ERBB4: variants seen among roughly 807,000 people sequenced by gnomAD.
ERBB4 encodes the protein receptor tyrosine-protein kinase erbB-4.
A neutral mutation model predicts 158.0 loss-of-function variants in ERBB4; 42 were observed. That is an observed-to-expected ratio of 0.27 (90% CI 0.21 to 0.34). The LOEUF (loss-of-function observed/expected upper bound fraction) is 0.34, where lower values mean the gene tolerates loss of function less well. Among genes scored for constraint, ERBB4 ranks in the 10% least tolerant of loss-of-function variants. The pLI is 1.00. For synonymous variants in ERBB4, 583 were observed against 558.7 expected (o/e 1.04, Z -0.61); for missense variants, 1,333 against 1,624.1 (o/e 0.82, Z 3.08).
rs535481666 is a variant in ERBB4 at position 211,733,441 on chromosome 2, C to T, written c.623-8247G>A. 1.9e-4 allele frequency among the ~76,000 whole-genome samples: 29 copies of T among 151,836 alleles called. 1 individual carries two copies. Among genetic ancestry groups the T allele is most frequent in the East Asian group, 1.7e-3 (9 of 5,178 alleles). ...GCAATAAAGGAAGAGTATGAATCTG[C>T]GTAAGAATACCATAGTATTTTTAAG... is the stretch of plus-strand genomic sequence containing the variant. On this transcript the variant is annotated intron_variant, in intron 5 of 27. Transcript: ENST00000342788.
intron 2 of ERBB4, among the ~76,000 whole-genome samples, chr2:212,041,719 C>T (rs2077145991): frequency 6.6e-6 from 1 of 151,916 alleles, no homozygotes; most frequent in South Asian, 2.1e-4. Context: ...ATATCCTATT[C>T]TCTGCAAAAG....
At chr2:211,710,702 C>T (rs1021810580) in intron 9 of ERBB4, among the ~76,000 whole-genome samples, 7 of 152,078 alleles carry the variant, frequency 4.6e-5, no homozygotes, top group African/African-American at 7.2e-5. Flanking sequence ...GTCTTTCCCA[C>T]GCTGTTCTCA....
At chr2:211,621,210 T>A (rs558350009) in intron 18 of ERBB4, among the ~76,000 whole-genome samples, 13 of 151,970 alleles carry the variant, frequency 8.6e-5, no homozygotes, top group African/African-American at 3.1e-4. Context: ...AAATTATTCT[T>A]TTTTTTTCAT....
In ERBB4 at chr2:211,442,880, A is replaced by AT. The variant is rs560853843; in HGVS notation, c.2488-11781dup. Among the ~76,000 whole-genome samples the AT allele has an allele frequency of 3.5e-3, 527 of 151,936 alleles. 5 individuals are homozygous for AT. The highest frequency in any genetic ancestry group is 0.011 in the African/African-American group (462 of 41,478). On this transcript the variant is annotated intron_variant, in intron 20 of 27. Transcript: ENST00000342788. ...GCTTGTTCAAGTCCGAAAAATAAAGATTTTTTTTATCTTCTATTCTTCACT... is the reference window on the plus strand; with the variant it reads ...GCTTGTTCAAGTCCGAAAAATAAAGATTTTTTTTTATCTTCTATTCTTCACT...
intron 2 of ERBB4, among the ~76,000 whole-genome samples, chr2:212,027,269 T>C (rs551874424): frequency 1.3e-5 from 2 of 152,206 alleles, no homozygotes; most frequent in Non-Finnish European, 2.9e-5. Context: ...GAAAATATAA[T>C]GTTCGTGAGA....
chr2:211,756,770 C>A (rs2075295768), intron 4 of ERBB4, among the ~76,000 whole-genome samples: 1 of 152,180 alleles, frequency 6.6e-6, no homozygotes, highest in African/African-American at 2.4e-5. Context: ...AAGATAATGG[C>A]TTGGCATATA....
intron 2 of ERBB4, among the ~76,000 whole-genome samples, chr2:212,085,759 C>T (rs2078585985): frequency 6.6e-6 from 1 of 151,732 alleles, no homozygotes; most frequent in South Asian, 2.1e-4. Flanking sequence ...AAAAATTATA[C>T]CTTCCTCATA....
At chr2:212,452,178 T>A (rs571680486) in intron 1 of ERBB4, among the ~76,000 whole-genome samples, 58 of 152,098 alleles carry the variant, frequency 3.8e-4, no homozygotes, top group Non-Finnish European at 7.1e-4. Context: ...GTTCTTTAAA[T>A]CATGCCAGCC....
At chr2:211,804,917 A>C (rs1575170675) in intron 3 of ERBB4, among the ~76,000 whole-genome samples, 2 of 132,916 alleles carry the variant, frequency 1.5e-5, no homozygotes, top group Admixed American at 8.7e-5. Flanking sequence ...CTCTTTCAAA[A>C]TATTCTTTTT....
intron 2 of ERBB4, among the ~76,000 whole-genome samples, chr2:212,060,353 CT>C (rs1374146377): frequency 1.3e-5 from 2 of 151,720 alleles, no homozygotes; most frequent in Admixed American, 1.3e-4. Context: ...CACTTTTACA[CT>C]GTTGGTGGGA....
rs78030748 is a variant in ERBB4, at chr2:211,386,924, G to A, written c.3410C>T (p.Pro1137Leu). 1.9e-6 allele frequency: 3 copies of A among 1,614,152 alleles called. No homozygotes were observed. The highest frequency in any genetic ancestry group is 2.5e-6 in the Non-Finnish European group (3 of 1,180,028). ...CAGCTCTCCTCGTGGGCTCCGTTCT[G>A]GGGCAAACACGGTGGGGTCAGCACT... ...RYSADPTVFAPERSPRGELDE... is the reference protein window; with the variant it reads ...RYSADPTVFALERSPRGELDE... The change falls in exon 27 of 28, where the codon CCA becomes CTA. Residue 1137 changes from proline to leucine, a missense_variant. This residue lies in a region of ERBB4 where 252 missense variants were observed against 241.3 expected (regional missense o/e 1.04). Transcript: ENST00000342788.
At chr2:211,444,811 CTG>C (rs1347993690) in intron 20 of ERBB4, among the ~76,000 whole-genome samples, 2 of 151,950 alleles carry the variant, frequency 1.3e-5, no homozygotes, top group African/African-American at 4.8e-5. Flanking sequence ...TCATTGTCTG[CTG>C]TGAGATACAT....
chr2:211,486,516 A>C (rs2065207588), intron 20 of ERBB4, among the ~76,000 whole-genome samples: 1 of 151,708 alleles, frequency 6.6e-6, no homozygotes, highest in African/African-American at 2.4e-5. Flanking sequence ...AAGATGCAGT[A>C]GTTTTCTATT....
chr2:211,788,264 A>G (rs931294126), intron 3 of ERBB4, 105 bp from the exon 4 acceptor site: 2 of 813,296 alleles, frequency 2.5e-6, no homozygotes, highest in Non-Finnish European at 4.1e-6. Context: ...GTTAAATTAG[A>G]GTCATGTTGC....
At chr2:211,712,515 TCTA>T (rs2073738934) in intron 8 of ERBB4, among the ~76,000 whole-genome samples, 1 of 152,144 alleles carries the variant, frequency 6.6e-6, no homozygotes, top group Admixed American at 6.5e-5. Context: ...TTATCTATTT[TCTA>T]CTTTCTTTGA....
intron 1 of ERBB4, among the ~76,000 whole-genome samples, chr2:212,184,933 C>T (rs934464257): frequency 5.3e-5 from 8 of 151,926 alleles, no homozygotes; most frequent in African/African-American, 1.9e-4. Flanking sequence ...TCTAGTGCAC[C>T]TTCACCCACG....
At chr2:212,463,501 G>A (rs1174317841) in intron 1 of ERBB4, among the ~76,000 whole-genome samples, 1 of 151,660 alleles carries the variant, frequency 6.6e-6, no homozygotes, top group East Asian at 1.9e-4. Flanking sequence ...TTATTGACAT[G>A]TTTTTCTGAT....
At chr2:212,344,494 G>A (rs1231253273) in intron 1 of ERBB4, among the ~76,000 whole-genome samples, 4 of 146,456 alleles carry the variant, frequency 2.7e-5, no homozygotes, top group African/African-American at 5.1e-5. Context: ...GTGTGTGTGT[G>A]TGTATATGTG....
intron 3 of ERBB4, among the ~76,000 whole-genome samples, chr2:211,836,710 A>G (rs948993645): frequency 1.3e-5 from 2 of 152,100 alleles, no homozygotes; most frequent in African/African-American, 2.4e-5. Context: ...AAGCCCTTCT[A>G]TGAATAGCAG....
Sources: allele counts gnomAD v4.1 joint callset (sites outside exome capture counted in the v4.1 genomes callset), GRCh38; gene constraint gnomAD v4.1.1; regional missense constraint gnomAD v4.1.1; transcripts MANE v1.5; gene names NCBI Gene and HGNC (gene_info 2026-07-23, HGNC 2026-07-21).